Variants in RPS6KA4 observed in about 807,000 individuals in gnomAD.
The protein encoded by RPS6KA4 is ribosomal protein S6 kinase A4.
A neutral mutation model predicts 89.6 loss-of-function variants in RPS6KA4; 38 were observed. The ratio of observed to expected loss-of-function variants is 0.42; its 90% CI spans 0.33 to 0.56. The LOEUF (loss-of-function observed/expected upper bound fraction) is 0.56, where lower values mean the gene tolerates loss of function less well. Ranked by LOEUF, RPS6KA4 falls within the 20% of genes least tolerant of loss-of-function variation. The pLI is 0.07. For synonymous variants in RPS6KA4, 495 were observed against 492.8 expected, an observed-to-expected ratio of 1.00 and a Z score of -0.06; for missense variants, 873 against 1,098.8, an observed-to-expected ratio of 0.79 and a Z score of 2.90.
intron 2 of RPS6KA4, 41 bp downstream of exon 2, chr11:64,359,490 T>C: frequency 6.2e-7 from 1 of 1,604,032 alleles, no homozygotes. Context: ...CCAGGCGCGG[T>C]GCCCCTGACC....
Position 64,361,344 on chromosome 11 carries a change from T to C in RPS6KA4, c.570+103T>C, listed in dbSNP as rs1000088558. The C allele has an allele frequency of 1.3e-5, 19 of 1,447,378 alleles. 1 individual carries two copies. The African/African-American group carries it at 1.7e-4, about 13-fold the overall frequency. The allele number at this position is 1,447,378 out of a possible 1,614,324, so 89.7% of individuals were successfully genotyped here. A position where few individuals can be genotyped will look rare whatever the true frequency, so the allele number is the denominator to read the frequency against. ...TTCTGGGGCTGCAGAAGTGAATAGC[T>C]CCAAGAAGTTTCCACAGCTCAGCTC... On this transcript the variant is annotated intron_variant, in intron 5 of 16. Coordinates refer to ENST00000334205, the MANE Select transcript of RPS6KA4 (RefSeq NM_003942.3). The surrounding 1 kb of genome is among the most constrained non-coding windows in gnomAD (Gnocchi z 4.7).
rs763150884 is a variant in RPS6KA4 at position 64,368,810 on chromosome 11, G to A, written c.1428+13G>A. ...GCATCACGACCAGGTGATGGCTTCCGGCCAGGGGAGGGCGGAGAGAAAAGG... is the reference window on the plus strand; with the variant it reads ...GCATCACGACCAGGTGATGGCTTCCAGCCAGGGGAGGGCGGAGAGAAAAGG... On this transcript the variant is annotated intron_variant, in intron 12 of 16. Coordinates refer to ENST00000334205, the MANE Select transcript of RPS6KA4 (RefSeq NM_003942.3). 3 of 1,555,230 alleles carry A rather than the reference G, an allele frequency of 1.9e-6. No homozygotes were observed. Among genetic ancestry groups the A allele is most frequent in the Non-Finnish European group, 2.6e-6 (3 of 1,149,396 alleles).
rs752874775 is a variant in RPS6KA4, at chr11:64,361,616, G to A, written c.652-26G>A. The A allele has an allele frequency of 6.2e-7, 1 of 1,612,686 alleles. No homozygotes were observed. Among genetic ancestry groups the A allele is most frequent in the Non-Finnish European group, 8.5e-7 (1 of 1,179,282 alleles). ...GGGGTGTGAGGCAGGGGAGATGCAG[G>A]CCCTCACCCCGGCTCCACCCGGCAG... On this transcript the variant is annotated intron_variant, in intron 6 of 16. Coordinates refer to ENST00000334205, the MANE Select transcript of RPS6KA4 (RefSeq NM_003942.3). The surrounding 1 kb of genome is among the most constrained non-coding windows in gnomAD (Gnocchi z 4.7).
Position 64,360,236 on chromosome 11 carries a change from G to A in RPS6KA4, c.201G>A (p.Leu67=), listed in dbSNP as rs1423260650. The part of the protein sequence containing the change: ...DAGKLYAMKV[L]RKAALVQRAK... ...GGAAGCTGTACGCCATGAAGGTGCT[G>A]CGCAAGGCGGCGCTGGTGCAGCGCG... is the stretch of plus-strand genomic sequence containing the variant. Residue 67 remains leucine (L), a synonymous_variant, in exon 3 of 17, where the codon CTG becomes CTA. Transcript: ENST00000334205. 1.9e-6 allele frequency: 3 copies of A among 1,547,950 alleles called. No homozygotes were observed. Among genetic ancestry groups the A allele is most frequent in the Non-Finnish European group, 2.6e-6 (3 of 1,146,696 alleles).
rs754948841 is a variant in RPS6KA4, at chr11:64,369,625, C to A, written c.1602+6C>A. On this transcript the variant is annotated splice_donor_region_variant and intron_variant, in intron 13 of 16. Transcript: ENST00000334205. ...ACCGCGACCTCAAGCCGGAGGTGGG[C>A]GAGCTGCCTCGGCGGCGGGGCGGAG... 8.7e-6 allele frequency: 14 copies of A among 1,601,964 alleles called. No individual in the cohort carries two copies. In the Middle Eastern group the frequency reaches 6.7e-4, roughly 76 times the overall value.
chr11:64,371,695 G>A lies in RPS6KA4; in HGVS notation c.*215G>A. 1 of 485,918 alleles carries A rather than the reference G, an allele frequency of 2.1e-6. No homozygotes were observed. Among genetic ancestry groups the A allele is most frequent in the South Asian group, 3.0e-5 (1 of 33,550 alleles). The allele number at this position is 485,918 out of a possible 1,614,324, so 30.1% of individuals were successfully genotyped here. A position where few individuals can be genotyped will look rare whatever the true frequency, so the allele number is the denominator to read the frequency against. On this transcript the variant is annotated 3_prime_UTR_variant, in exon 17 of 17. Coordinates refer to ENST00000334205, the MANE Select transcript of RPS6KA4 (RefSeq NM_003942.3). ...GTTGCAGGGAAGGGGGGGCCTGCTGGGGAGTGGGGTTTGGGGGGCCCTCTC... is the reference window on the plus strand; with the variant it reads ...GTTGCAGGGAAGGGGGGGCCTGCTGAGGAGTGGGGTTTGGGGGGCCCTCTC...
intron 2 of RPS6KA4, 120 bp from the exon 3 acceptor site, chr11:64,360,043 G>T (rs2036700251): frequency 8.5e-6 from 8 of 937,728 alleles, no homozygotes; most frequent in Non-Finnish European, 1.1e-5. Flanking sequence ...ACACCTGCCT[G>T]TTGCCCCAGC....
chr11:64,369,329 G>A lies in RPS6KA4; in HGVS notation c.1429-117G>A, dbSNP rs534807713. 160 of 1,105,512 alleles carry A rather than the reference G, an allele frequency of 1.4e-4. No homozygotes were observed. The East Asian group carries it at 2.6e-3, about 18-fold the overall frequency. 68.5% of individuals were successfully genotyped at this position (1,105,512 alleles called of 1,614,324 possible). A position where few individuals can be genotyped will look rare whatever the true frequency, so the allele number is the denominator to read the frequency against. The stretch of plus-strand genomic sequence containing the variant: ...GAAAGAAAGAAAGAAAAAGGACTTT[G>A]AGGAGGGGGTTCTCGAACATTGGCA... On this transcript the variant is annotated intron_variant, in intron 12 of 16. Transcript: ENST00000334205.
chr11:64,360,138 C>T, intron 2 of RPS6KA4, 25 bp from the exon 3 acceptor site: 1 of 1,531,478 alleles, frequency 6.5e-7, no homozygotes, highest in Non-Finnish European at 8.8e-7. Context: ...ACAGCCCACC[C>T]TCCACCCACT....
chr11:64,371,341 T>C lies in RPS6KA4; in HGVS notation c.2180T>C (p.Leu727Pro), dbSNP rs1463606947. Residue 727 changes from leucine to proline, a missense_variant, in exon 17 of 17, where the codon CTG (leucine) becomes CCG (proline). Coordinates refer to ENST00000334205, the MANE Select transcript of RPS6KA4 (RefSeq NM_003942.3). ...FFLKSVENAP[L>P]AKRRKQKLRS... ...CTGAAGAGCGTGGAGAATGCACCCC[T>C]GGCCAAGCGGCGGAAGCAGAAGCTG... The C allele has an allele frequency of 3.1e-6, 5 of 1,612,654 alleles. No individual in the cohort carries two copies. The highest frequency in any genetic ancestry group is 4.2e-6 in the Non-Finnish European group (5 of 1,179,914).
rs2036665575 is a variant in RPS6KA4 at position 64,359,186 on chromosome 11, C to T, written c.-50C>T. 1.6e-6 allele frequency: 2 copies of T among 1,249,762 alleles called. No homozygotes were observed. Among genetic ancestry groups the T allele is most frequent in the Non-Finnish European group, 2.0e-6 (2 of 990,116 alleles). 77.4% of individuals were successfully genotyped at this position (1,249,762 alleles called of 1,614,324 possible). A position where few individuals can be genotyped will look rare whatever the true frequency, so the allele number is the denominator to read the frequency against. On this transcript the variant is annotated 5_prime_UTR_variant, in exon 1 of 17. Coordinates refer to ENST00000334205, the MANE Select transcript of RPS6KA4 (RefSeq NM_003942.3). The stretch of plus-strand genomic sequence containing the variant: ...CGCCCCGGCCGGAGCCGCCATGTAA[C>T]CGGCGCCGCCCGGAGCCCGAGCCGC...
Position 64,372,042 on chromosome 11 carries a change from G to C in RPS6KA4, c.*562G>C, listed in dbSNP as rs2037089410. 6.6e-6 allele frequency: 1 copy of C among 152,518 alleles called. No individual in the cohort carries two copies. The highest frequency in any genetic ancestry group is 2.4e-5 in the African/African-American group (1 of 41,446). 9.4% of individuals were successfully genotyped at this position (152,518 alleles called of 1,614,324 possible). Reference sequence around the variant, plus strand: ...TTGGGGCTAAGGAAGGAGATAGGTGGCTCCTAAAAGAGGAGGCCATCTTCT... The same window carrying C: ...TTGGGGCTAAGGAAGGAGATAGGTGCCTCCTAAAAGAGGAGGCCATCTTCT... On this transcript the variant is annotated 3_prime_UTR_variant, in exon 17 of 17. Coordinates refer to ENST00000334205, the MANE Select transcript of RPS6KA4 (RefSeq NM_003942.3).
chr11:64,369,460 G>C lies in RPS6KA4; in HGVS notation c.1443G>C (p.Leu481=). The C allele has an allele frequency of 6.2e-7, 1 of 1,606,558 alleles. No homozygotes were observed. Among genetic ancestry groups the C allele is most frequent in the Non-Finnish European group, 8.5e-7 (1 of 1,178,296 alleles). Residue 481 remains leucine (L), a synonymous_variant, in exon 13 of 17, where the codon CTG becomes CTC. Coordinates refer to ENST00000334205, the MANE Select transcript of RPS6KA4 (RefSeq NM_003942.3). ...GCCGCCCGCAGCTGCACACGTACCTGGTCCTGGAGCTGCTGCGGGGCGGGG... is the reference window on the plus strand; with the variant it reads ...GCCGCCCGCAGCTGCACACGTACCTCGTCCTGGAGCTGCTGCGGGGCGGGG... ...EVHHDQLHTY[L]VLELLRGGEL...
chr11:64,368,683 T>C (rs2036960626), intron 11 of RPS6KA4, 21 bp from the exon 12 acceptor site: 2 of 1,574,912 alleles, frequency 1.3e-6, no homozygotes, highest in Middle Eastern at 1.7e-4. Context: ...CGACCGTAAC[T>C]CCTTCTGCTC....
At chr11:64,368,869 G>T (rs1295923199) in intron 12 of RPS6KA4, 72 bp downstream of exon 12, 1 of 1,366,182 alleles carries the variant, frequency 7.3e-7, no homozygotes, top group Non-Finnish European at 1.0e-6. Context: ...ACTATGGGCG[G>T]GATCTAGGGG....
chr11:64,362,515 T>C (rs890073213), intron 8 of RPS6KA4, among the ~76,000 whole-genome samples: 1 of 152,216 alleles, frequency 6.6e-6, no homozygotes, highest in Admixed American at 6.5e-5. Context: ...AGCACACACA[T>C]GTTAGAGTGC....
At chr11:64,360,092 GC>G (rs1365288299) in intron 2 of RPS6KA4, 70 bp from the exon 3 acceptor site, 5 of 1,417,194 alleles carry the variant, frequency 3.5e-6, no homozygotes, top group Non-Finnish European at 4.7e-6. Flanking sequence ...GGTTGGCATC[GC>G]CCCCACCCCC....
chr11:64,362,406 A>G (rs940433941), intron 8 of RPS6KA4, among the ~76,000 whole-genome samples: 2 of 152,192 alleles, frequency 1.3e-5, no homozygotes, highest in Non-Finnish European at 1.5e-5. Flanking sequence ...GCACCCACCC[A>G]GGCATTTTGT....
At chr11:64,367,915 T>C (rs1450721403) in intron 9 of RPS6KA4, among the ~76,000 whole-genome samples, 1 of 152,008 alleles carries the variant, frequency 6.6e-6, no homozygotes, top group African/African-American at 2.4e-5. Flanking sequence ...AAAGTTGGGG[T>C]CACAGGCTGG....
Sources: gnomAD v4.1 joint callset for allele counts (sites outside exome capture counted in the v4.1 genomes callset) on GRCh38, gnomAD v4.1.1 for gene constraint, Gnocchi (gnomAD v3.1) non-coding constraint, MANE v1.5 for transcripts, NCBI Gene and HGNC (gene_info 2026-07-23, HGNC 2026-07-21) for gene names.